Variants in FOXJ3 observed in about 807,000 individuals in gnomAD.
The protein encoded by FOXJ3 is forkhead box J3, also known as forkhead box protein J3.
Under a neutral mutation model 76.1 loss-of-function variants are expected in FOXJ3, and 22 were observed. The observed-to-expected ratio is 0.29, with a 90% CI of 0.21 to 0.41. FOXJ3 has a LOEUF of 0.41. FOXJ3 is among the 10% of genes least tolerant of loss of function. The pLI, the probability that FOXJ3 is intolerant of heterozygous loss-of-function variation, is 1.00. For missense variants in FOXJ3, 613 were observed against 762.1 expected (o/e 0.80, Z 2.30); for synonymous variants, 269 against 261.2 (o/e 1.03, Z -0.29).
chr1:42,261,922 C>T (rs940084879), intron 4 of FOXJ3, among the ~76,000 whole-genome samples: 4 of 152,200 alleles, frequency 2.6e-5, no homozygotes, highest in African/African-American at 9.7e-5. Context: ...TGGTCTCCCT[C>T]TCAAGGAAGA....
chr1:42,230,188 T>C (rs1289737483), intron 4 of FOXJ3, among the ~76,000 whole-genome samples: 1 of 152,184 alleles, frequency 6.6e-6, no homozygotes, highest in Non-Finnish European at 1.5e-5. Flanking sequence ...AATTGTGAAA[T>C]CTTCCACCAA....
At chr1:42,262,881 A>T (rs1651160957) in intron 4 of FOXJ3, among the ~76,000 whole-genome samples, 2 of 152,176 alleles carry the variant, frequency 1.3e-5, no homozygotes, top group African/African-American at 4.8e-5. Context: ...AACAAATAAA[A>T]TAAACCTCAC....
intron 1 of FOXJ3, chr1:42,315,485 C>T: frequency 9.5e-6 from 7 of 734,048 alleles, no homozygotes; most frequent in Non-Finnish European, 1.2e-5. Flanking sequence ...CTTAGTACCT[C>T]CAATAAGTTA....
intron 6 of FOXJ3, among the ~76,000 whole-genome samples, chr1:42,203,391 T>C (rs1439968426): frequency 2.0e-5 from 3 of 152,232 alleles, no homozygotes; most frequent in South Asian, 4.1e-4. Flanking sequence ...CTCTGGATGA[T>C]GTTATCTTCC....
At chr1:42,226,856 T>A (rs1327742171) in intron 5 of FOXJ3, among the ~76,000 whole-genome samples, 1 of 152,208 alleles carries the variant, frequency 6.6e-6, no homozygotes, top group Admixed American at 6.5e-5. Flanking sequence ...TTGAGATCTT[T>A]ATCTTTGAGG....
chr1:42,277,506 C>T (rs1339361947), intron 3 of FOXJ3, among the ~76,000 whole-genome samples: 1 of 64,922 alleles, frequency 1.5e-5, no homozygotes, highest in Non-Finnish European at 3.4e-5. Flanking sequence ...ACTAAAAATA[C>T]AAAAAATCTG....
intron 11 of FOXJ3, among the ~76,000 whole-genome samples, chr1:42,183,313 GAGGGGAGGGGA>G (rs1646365225): frequency 2.3e-4 from 1 of 4,390 alleles, no homozygotes; most frequent in Non-Finnish European, 6.5e-4. Context: ...CGGGGTGGGG[GAGGGGAGGGGA>G]GGGGAGGGGA....
At chr1:42,201,655 C>T (rs1053825113) in intron 6 of FOXJ3, among the ~76,000 whole-genome samples, 5 of 152,146 alleles carry the variant, frequency 3.3e-5, no homozygotes, top group African/African-American at 4.8e-5. Context: ...AATACCTATG[C>T]TCATGAGACT....
At chr1:42,332,534 A>G (rs557869807) in intron 1 of FOXJ3, among the ~76,000 whole-genome samples, 4 of 152,234 alleles carry the variant, frequency 2.6e-5, no homozygotes, top group Non-Finnish European at 4.4e-5. Context: ...AAAATTCTCC[A>G]TAAGCACTCT....
chr1:42,204,798 C>T (rs1322291696), intron 6 of FOXJ3, among the ~76,000 whole-genome samples: 1 of 151,254 alleles, frequency 6.6e-6, no homozygotes, highest in African/African-American at 2.4e-5. Context: ...TTCCTCTATG[C>T]CTAGGCTACC....
intron 4 of FOXJ3, among the ~76,000 whole-genome samples, chr1:42,257,970 T>C (rs1333608942): frequency 6.6e-6 from 1 of 152,184 alleles, no homozygotes; most frequent in African/African-American, 2.4e-5. Context: ...ATTACCTGAT[T>C]AAGTACAAAT....
chr1:42,237,794 T>C (rs192370581), intron 4 of FOXJ3, among the ~76,000 whole-genome samples: 34 of 152,176 alleles, frequency 2.2e-4, no homozygotes, highest in African/African-American at 7.5e-4. Flanking sequence ...TAGGGTTAAT[T>C]TTCTGTATAA....
chr1:42,218,684 C>A (rs1286129029), intron 5 of FOXJ3, among the ~76,000 whole-genome samples: 1 of 152,158 alleles, frequency 6.6e-6, no homozygotes, highest in Non-Finnish European at 1.5e-5. Context: ...AAATTTAAGT[C>A]ACATCATGTC....
At chr1:42,266,736 C>T (rs1651492413) in intron 3 of FOXJ3, among the ~76,000 whole-genome samples, 1 of 152,068 alleles carries the variant, frequency 6.6e-6, no homozygotes, top group South Asian at 2.1e-4. Context: ...AAGTGATTGA[C>T]AGTGACAGGC....
chr1:42,238,998 G>C (rs1234913400), intron 4 of FOXJ3, among the ~76,000 whole-genome samples: 1 of 152,176 alleles, frequency 6.6e-6, no homozygotes, highest in Non-Finnish European at 1.5e-5. Flanking sequence ...GCAGTTTTCA[G>C]TGAACAGGTC....
chr1:42,199,327 A>C, intron 6 of FOXJ3, 97 bp from the exon 7 acceptor site: 1 of 1,019,024 alleles, frequency 9.8e-7, no homozygotes, highest in Non-Finnish European at 1.5e-6. Context: ...AAGAAGAAAA[A>C]AATCTCAGTG....
At chr1:42,244,651 C>CAAGAAAAAAAAA (rs1021404664) in intron 4 of FOXJ3, among the ~76,000 whole-genome samples, 3 of 112,322 alleles carry the variant, frequency 2.7e-5, no homozygotes, top group African/African-American at 7.8e-5. Context: ...CCACACTAAT[C>CAAGAAAAAAAAA]AAGAAAAAAA....
intron 4 of FOXJ3, among the ~76,000 whole-genome samples, chr1:42,257,346 T>C (rs16829253): frequency 0.043 from 6,579 of 152,238 alleles, 161 homozygotes; most frequent in South Asian, 0.092. Context: ...GTGTCACTGT[T>C]AAGTAGAAGA....
chr1:42,212,342 A>G (rs922591514), intron 5 of FOXJ3, among the ~76,000 whole-genome samples: 8 of 152,196 alleles, frequency 5.3e-5, no homozygotes, highest in African/African-American at 1.7e-4. Flanking sequence ...ACAATTCAGG[A>G]TATGAAGGAA....
Sources: gnomAD v4.1 joint callset for allele counts (sites outside exome capture counted in the v4.1 genomes callset) on GRCh38, gnomAD v4.1.1 for gene constraint, MANE v1.5 for transcripts, NCBI Gene and HGNC (gene_info 2026-07-23, HGNC 2026-07-21) for gene names.